The following PPARGC1B variants were observed in gnomAD, a reference collection of about 807,000 sequenced individuals.
PPARGC1B encodes peroxisome proliferator-activated receptor gamma coactivator 1-beta.
Under a neutral mutation model 101.6 loss-of-function variants are expected in PPARGC1B, and 34 were observed. The ratio of observed to expected loss-of-function variants is 0.33; its 90% CI spans 0.25 to 0.45. The LOEUF (loss-of-function observed/expected upper bound fraction) is 0.45, where lower values mean the gene tolerates loss of function less well. Ranked by LOEUF, PPARGC1B falls within the 20% of genes least tolerant of loss-of-function variation. The pLI is 1.00. For missense variants in PPARGC1B, 1,234 were observed against 1,317.6 expected, an observed-to-expected ratio of 0.94 and a Z score of 0.98; for synonymous variants, 548 against 539.3, an observed-to-expected ratio of 1.02 and a Z score of -0.22.
chr5:149,790,081 T>C (rs1756956441), intron 1 of PPARGC1B, among the ~76,000 whole-genome samples: 1 of 152,228 alleles, frequency 6.6e-6, no homozygotes, highest in South Asian at 2.1e-4. Flanking sequence ...TTAGTTTCCT[T>C]GTCTATAAAT....
Position 149,835,378 on chromosome 5 carries a change from G to A in PPARGC1B, c.1807+13G>A, listed in dbSNP as rs1221450428. The A allele has an allele frequency of 5.0e-6, 8 of 1,611,386 alleles. No homozygotes were observed. In the East Asian group the frequency reaches 8.9e-5, roughly 18 times the overall value. The stretch of plus-strand genomic sequence containing the variant: ...TGTGGCACAGCAGGTGAGCCAGGGG[G>A]CTTCCACTGGCAGGTGCCTTCAGGA... On this transcript the variant is annotated intron_variant, in intron 7 of 11. Coordinates refer to ENST00000309241, the MANE Select transcript of PPARGC1B (RefSeq NM_133263.4).
chr5:149,791,171 A>G (rs1757001898), intron 1 of PPARGC1B, among the ~76,000 whole-genome samples: 2 of 119,050 alleles, frequency 1.7e-5, no homozygotes, highest in African/African-American at 6.5e-5. Context: ...AATCCCAGCT[A>G]CTCAGGAGGC....
chr5:149,837,590 G>C lies in PPARGC1B; in HGVS notation c.2618+517G>C, dbSNP rs1168698756. 6.6e-6 allele frequency among the ~76,000 whole-genome samples: 1 copy of C among 152,206 alleles called. No individual in the cohort carries two copies. The highest frequency in any genetic ancestry group is 1.5e-5 in the Non-Finnish European group (1 of 68,052). On this transcript the variant is annotated intron_variant, in intron 8 of 11. Coordinates refer to ENST00000309241, the MANE Select transcript of PPARGC1B (RefSeq NM_133263.4). This position sits in a 1 kb window ranked among gnomAD's most constrained non-coding sequence, Gnocchi z 4.2. ...GTTGTGCTGTGGCTTTCACCAGTTGGCTGCCCCTCGAAGGGCTTTGACCTC... is the reference window on the plus strand; with the variant it reads ...GTTGTGCTGTGGCTTTCACCAGTTGCCTGCCCCTCGAAGGGCTTTGACCTC...
intron 2 of PPARGC1B, among the ~76,000 whole-genome samples, chr5:149,821,098 T>G (rs776382935): frequency 2.0e-5 from 3 of 152,250 alleles, no homozygotes; most frequent in Non-Finnish European, 4.4e-5. Context: ...ACGACCATGA[T>G]GATACCATAA....
At chr5:149,830,735 C>T (rs751330078) in intron 3 of PPARGC1B, 32 bp from the exon 4 acceptor site, 2 of 1,547,582 alleles carry the variant, frequency 1.3e-6, no homozygotes, top group African/African-American at 2.7e-5. Flanking sequence ...GTGGCTCAGC[C>T]CCGGCTCCTG....
rs530162549 is a variant in PPARGC1B at position 149,834,794 on chromosome 5, T to C, written c.1742+84T>C. 1.5e-4 allele frequency: 199 copies of C among 1,286,402 alleles called. 7 individuals carry two copies. The South Asian group carries it at 2.3e-3, about 15-fold the overall frequency. The allele number at this position is 1,286,402 out of a possible 1,614,324, so 79.7% of individuals were successfully genotyped here. On this transcript the variant is annotated intron_variant, in intron 6 of 11. Transcript: ENST00000309241. ...TGTGTTGGTGGTGATGGGGGATTCATCAGCGCCCACCCCTGGCCCCGGCCC... is the reference window on the plus strand; with the variant it reads ...TGTGTTGGTGGTGATGGGGGATTCACCAGCGCCCACCCCTGGCCCCGGCCC...
At position 149,819,862 on chromosome 5, in the gene PPARGC1B, T is replaced by G. The variant is rs372101160; in HGVS notation, c.79-571T>G. ...TTGTCTATTGATTGGTGTTCCATCATATATCATATATGTAATTTTATGTTC... is the reference window on the plus strand; with the variant it reads ...TTGTCTATTGATTGGTGTTCCATCAGATATCATATATGTAATTTTATGTTC... On this transcript the variant is annotated intron_variant, in intron 1 of 11. Coordinates refer to ENST00000309241, the MANE Select transcript of PPARGC1B (RefSeq NM_133263.4). Among the ~76,000 whole-genome samples the G allele has an allele frequency of 1.1e-4, 17 of 152,370 alleles. No individual in the cohort carries two copies. The East Asian group carries it at 3.3e-3, about 29-fold the overall frequency.
Position 149,833,469 on chromosome 5 carries a change from G to C in PPARGC1B, c.1396G>C (p.Gly466Arg). 6.4e-7 allele frequency: 1 copy of C among 1,569,506 alleles called. No individual in the cohort carries two copies. Among genetic ancestry groups the C allele is most frequent in the African/African-American group, 1.4e-5 (1 of 73,862 alleles). Residue 466 changes from glycine to arginine, a missense_variant, in exon 5 of 12, where the codon GGG becomes CGG. Gly to Arg is a moderately radical substitution (Grantham distance 125, BLOSUM62 -2). This residue lies in a region of PPARGC1B where 734 missense variants were observed against 768.4 expected (regional missense o/e 0.96). Coordinates refer to ENST00000309241, the MANE Select transcript of PPARGC1B (RefSeq NM_133263.4). This position sits in a 1 kb window ranked among gnomAD's most constrained non-coding sequence, Gnocchi z 4.1. ...CCGAGGCCTGCCATGGACGAAGCTG[G>C]GGAGGAAGCTGGAGAGCTCTGTGTG... is the stretch of plus-strand genomic sequence containing the variant. ...PGRGLPWTKL[G>R]RKLESSVCPV...
chr5:149,762,157 T>G (rs1755739852), intron 1 of PPARGC1B, among the ~76,000 whole-genome samples: 2 of 68,184 alleles, frequency 2.9e-5, no homozygotes, highest in East Asian at 3.7e-4. Context: ...TCCCATGGGT[T>G]TTTTTTTTTT....
intron 1 of PPARGC1B, among the ~76,000 whole-genome samples, chr5:149,800,073 A>G (rs1173059835): frequency 6.6e-6 from 1 of 152,160 alleles, no homozygotes; most frequent in Non-Finnish European, 1.5e-5. Flanking sequence ...AAAGAAGGAC[A>G]TAAAATAGAA....
rs1459069676 is a variant in PPARGC1B at position 149,799,684 on chromosome 5, CTTG to C, written c.79-20740_79-20738del. Among the ~76,000 whole-genome samples the C allele has an allele frequency of 3.5e-3, 370 of 107,220 alleles. 12 individuals are homozygous for C. Among genetic ancestry groups the C allele is most frequent in the East Asian group, 4.7e-3 (18 of 3,810 alleles). 70.3% of individuals were successfully genotyped at this position (107,220 alleles called of 152,430 possible). ...ATGGGCTTTTTTGTTTGTTTGTTTG[CTTG>C]TTGTTGTTTTTTTTTTTTTTTTTTT... On this transcript the variant is annotated intron_variant, in intron 1 of 11. Transcript: ENST00000309241.
At chr5:149,822,751 C>A (rs574371265) in intron 2 of PPARGC1B, among the ~76,000 whole-genome samples, 3 of 152,232 alleles carry the variant, frequency 2.0e-5, no homozygotes, top group Non-Finnish European at 4.4e-5. Flanking sequence ...ACAAACAACA[C>A]TTTATTCATC....
In PPARGC1B at chr5:149,833,806, G is replaced by T; in HGVS notation, c.1705+28G>T. 1 of 1,462,244 alleles carries T rather than the reference G, an allele frequency of 6.8e-7. No homozygotes were observed. Among genetic ancestry groups the T allele is most frequent in the Non-Finnish European group, 9.0e-7 (1 of 1,111,028 alleles). 90.6% of individuals were successfully genotyped at this position (1,462,244 alleles called of 1,614,324 possible). ...AGTCAGAGTTGGTGGTCTGCGAAGT[G>T]GGGGCAGGGATGGGGTGCAGCATGC... On this transcript the variant is annotated intron_variant, in intron 5 of 11. Coordinates refer to ENST00000309241, the MANE Select transcript of PPARGC1B (RefSeq NM_133263.4). This position sits in a 1 kb window ranked among gnomAD's most constrained non-coding sequence, Gnocchi z 4.1.
rs765756646 is a variant in PPARGC1B, at chr5:149,832,986, C to T, written c.913C>T (p.Pro305Ser). ...HTYCLPQRKLPPQTPEPLPKA... is the reference protein window; with the variant it reads ...HTYCLPQRKLSPQTPEPLPKA... Reference sequence around the variant, plus strand: ...CTACTGCCTCCCCCAGAGGAAGCTGCCCCCACAGACCCCTGAGCCACTCCC... The same window carrying T: ...CTACTGCCTCCCCCAGAGGAAGCTGTCCCCACAGACCCCTGAGCCACTCCC... The change falls in exon 5 of 12, where the codon CCC (proline) becomes TCC (serine). Residue 305 changes from proline to serine, a missense_variant. This residue lies in a region of PPARGC1B where 734 missense variants were observed against 768.4 expected (regional missense o/e 0.96). Transcript: ENST00000309241. This position sits in a 1 kb window ranked among gnomAD's most constrained non-coding sequence, Gnocchi z 4.9. The T allele has an allele frequency of 5.0e-6, 8 of 1,613,388 alleles. No homozygotes were observed. The Admixed American group carries it at 5.0e-5, about 10-fold the overall frequency.
At chr5:149,751,764 A>G in intron 1 of PPARGC1B, among the ~76,000 whole-genome samples, 1 of 151,966 alleles carries the variant, frequency 6.6e-6, no homozygotes. Flanking sequence ...AACCAGTCAT[A>G]GGCAGTGCTT....
At chr5:149,844,890 G>A (rs921016719) in intron 10 of PPARGC1B, among the ~76,000 whole-genome samples, 6 of 152,124 alleles carry the variant, frequency 3.9e-5, no homozygotes, top group African/African-American at 9.7e-5. Flanking sequence ...GGTCCTTCTC[G>A]GGCAGACTTT....
At position 149,835,155 on chromosome 5, in the gene PPARGC1B, C is replaced by T. The variant is rs996708709; in HGVS notation, c.1743-146C>T. Reference sequence around the variant, plus strand: ...CTAACAGCCGGGATGGGGTTTCCCCCAGAGCGAATGCATCTCAGGCTCCAT... The same window carrying T: ...CTAACAGCCGGGATGGGGTTTCCCCTAGAGCGAATGCATCTCAGGCTCCAT... On this transcript the variant is annotated intron_variant, in intron 6 of 11. Transcript: ENST00000309241. 44 of 756,012 alleles carry T rather than the reference C, an allele frequency of 5.8e-5. No homozygotes were observed. In the African/African-American group the frequency reaches 7.1e-4, roughly 12 times the overall value. The allele number at this position is 756,012 out of a possible 1,614,324, so 46.8% of individuals were successfully genotyped here. A position where few individuals can be genotyped will look rare whatever the true frequency, so the allele number is the denominator to read the frequency against.
At position 149,830,771 on chromosome 5, in the gene PPARGC1B, A is replaced by G. The variant is rs1048139471; in HGVS notation, c.470A>G (p.Gln157Arg). 3 of 1,613,266 alleles carry G rather than the reference A, an allele frequency of 1.9e-6. No individual in the cohort carries two copies. The highest frequency in any genetic ancestry group is 2.5e-6 in the Non-Finnish European group (3 of 1,179,202). The change falls in exon 4 of 12, where the codon CAG (glutamine) becomes CGG (arginine). Residue 157 changes from glutamine to arginine, a missense_variant. By Grantham distance (43) the Gln-to-Arg change is conservative. Around this residue, in one of 3 missense-constraint regions of PPARGC1B, gnomAD observed 734 missense variants for 768.4 expected, o/e 0.96. Coordinates refer to ENST00000309241, the MANE Select transcript of PPARGC1B (RefSeq NM_133263.4). The part of the protein sequence containing the change: ...APEVDELSLL[Q>R]KLLLATSYPT... ...TCCTCTCTGCTTTTCCCTCAGCTGC[A>G]GAAGCTCCTCCTGGCCACATCCTAC...
intron 1 of PPARGC1B, among the ~76,000 whole-genome samples, chr5:149,813,615 A>G (rs1757940786): frequency 6.6e-6 from 1 of 152,322 alleles, no homozygotes; most frequent in South Asian, 2.1e-4. Context: ...TCAAATGGGA[A>G]TGCTGACCAC....
Sources: gnomAD v4.1 joint callset for allele counts (sites outside exome capture counted in the v4.1 genomes callset) on GRCh38, gnomAD v4.1.1 for gene constraint, gnomAD v4.1.1 regional missense constraint, Gnocchi (gnomAD v3.1) non-coding constraint, MANE v1.5 for transcripts, NCBI Gene and HGNC (gene_info 2026-07-23, HGNC 2026-07-21) for gene names.